DIPK1A: variants seen among roughly 807,000 people sequenced by gnomAD.
DIPK1A encodes the protein family with sequence similarity 69 member A.
DIPK1A carries 27 observed loss-of-function variants against 40.8 expected under a neutral mutation model. The ratio of observed to expected loss-of-function variants is 0.66; its 90% CI spans 0.49 to 0.91. DIPK1A has a LOEUF of 0.91. Ranked by LOEUF, DIPK1A falls within the 40% of genes least tolerant of loss-of-function variation. The pLI is 0.00. For synonymous variants in DIPK1A, 166 were observed against 171.3 expected (o/e 0.97, Z 0.24); for missense variants, 412 against 505.7 (o/e 0.81, Z 1.78).
chr1:92,873,739 T>C (rs1430553247), intron 2 of DIPK1A, among the ~76,000 whole-genome samples: 1 of 152,184 alleles, frequency 6.6e-6, no homozygotes, highest in Non-Finnish European at 1.5e-5. Context: ...TGAGATGAAG[T>C]CTTGCTCTGT....
intron 2 of DIPK1A, among the ~76,000 whole-genome samples, chr1:92,865,159 G>A (rs1647477617): frequency 1.3e-5 from 2 of 151,680 alleles, no homozygotes; most frequent in Admixed American, 1.3e-4. Flanking sequence ...GGCAGGAGTT[G>A]GAGATCAGCC....
downstream of DIPK1A, among the ~76,000 whole-genome samples, chr1:92,839,269 G>A (rs11587850): frequency 6.6e-6 from 1 of 152,176 alleles, no homozygotes; most frequent in African/African-American, 2.4e-5. Flanking sequence ...TGAGGCAGAA[G>A]AATTGCTTGA....
chr1:92,874,781 A>G (rs1648037568), intron 2 of DIPK1A, among the ~76,000 whole-genome samples: 1 of 152,162 alleles, frequency 6.6e-6, no homozygotes, highest in African/African-American at 2.4e-5. Context: ...TATGAGCTTC[A>G]TAGAGAGACA....
intron 1 of DIPK1A, among the ~76,000 whole-genome samples, chr1:92,928,161 G>A (rs7515257): frequency 0.35 from 53,193 of 152,050 alleles, 9,755 homozygotes; most frequent in African/African-American, 0.38. Flanking sequence ...TAGTGGATGT[G>A]AACTAGTATT....
At chr1:92,950,116 A>G (rs1651566624) in intron 1 of DIPK1A, among the ~76,000 whole-genome samples, 1 of 152,194 alleles carries the variant, frequency 6.6e-6, no homozygotes, top group Non-Finnish European at 1.5e-5. Context: ...AGTATTAAGG[A>G]GGGACTGCTG....
intron 4 of DIPK1A, chr1:92,833,205 G>A: frequency 1.5e-6 from 1 of 652,612 alleles, no homozygotes; most frequent in East Asian, 2.7e-5. Flanking sequence ...CTACTAGTCT[G>A]TGACATGGAA....
chr1:92,925,840 C>T (rs1650483688), intron 1 of DIPK1A, among the ~76,000 whole-genome samples: 1 of 152,102 alleles, frequency 6.6e-6, no homozygotes, highest in Non-Finnish European at 1.5e-5. Context: ...TTTTGGAAAG[C>T]TGCATTTTTC....
intron 2 of DIPK1A, among the ~76,000 whole-genome samples, chr1:92,865,059 A>AAC (rs1647471033): frequency 6.6e-6 from 1 of 150,718 alleles, no homozygotes; most frequent in Admixed American, 6.6e-5. Flanking sequence ...AAAAAAAAAA[A>AAC]AAAGATATAA....
chr1:92,833,889 T>A lies in DIPK1A; in HGVS notation c.475-855A>T. On this transcript the variant is annotated intron_variant, in intron 4 of 4. Transcript: ENST00000615519. ...ATCCCAGCACTTCGGGAAGATTGCT[T>A]GAGCCCAGGAGTTTGAGACCAGCCT... 7 of 534,232 alleles carry A rather than the reference T, an allele frequency of 1.3e-5. No homozygotes were observed. The South Asian group carries it at 1.4e-4, about 11-fold the overall frequency. 33.1% of individuals were successfully genotyped at this position (534,232 alleles called of 1,614,324 possible). A position where few individuals can be genotyped will look rare whatever the true frequency, so the allele number is the denominator to read the frequency against.
In DIPK1A at chr1:92,844,091, C is replaced by T. The variant is rs777637039; in HGVS notation, c.579G>A (p.Ser193=). 11 of 1,551,800 alleles carry T rather than the reference C, an allele frequency of 7.1e-6. No individual in the cohort carries two copies. The highest frequency in any genetic ancestry group is 1.7e-4 in the Middle Eastern group (1 of 5,992). Residue 193 remains serine (S), a synonymous_variant, in exon 5 of 5, where the codon TCG becomes TCA. Coordinates refer to ENST00000370310, the MANE Select transcript of DIPK1A (RefSeq NM_001006605.5). ...DGQVSLGEAK[S]AWALLQLNEF... is the part of the protein sequence containing the mutation. ...CATTCAGTTGAAGAAGTGCCCATGC[C>T]GACTTTGCTTCTCCCAAGGAAACCT...
chr1:92,837,715 CTTATA>C (rs1687183728), downstream of DIPK1A: 18 of 1,108,456 alleles, frequency 1.6e-5, no homozygotes, highest in Non-Finnish European at 2.3e-5. Context: ...AGGTAACATT[CTTATA>C]TAGGTGTGTT....
At chr1:92,869,459 C>T (rs1292051319) in intron 2 of DIPK1A, among the ~76,000 whole-genome samples, 1 of 152,044 alleles carries the variant, frequency 6.6e-6, no homozygotes, top group African/African-American at 2.4e-5. Context: ...ATGCCTGGTG[C>T]TGACTAAATT....
At position 92,876,353 on chromosome 1, in the gene DIPK1A, A is replaced by G. The variant is rs1428423696; in HGVS notation, c.132T>C (p.Tyr44=). ...ATTCTGTATAGGTAGAATACTGCAC[A>G]TATATAATCCAGCTTCCAACAAAAA... ...LVVFVGSWII[Y]VQYSTYTELC... Residue 44 remains tyrosine, a synonymous_variant, in exon 2 of 5, where the codon TAT becomes TAC. Transcript: ENST00000370310. 1 of 1,608,016 alleles carries G rather than the reference A, an allele frequency of 6.2e-7. No homozygotes were observed. The highest frequency in any genetic ancestry group is 8.5e-7 in the Non-Finnish European group (1 of 1,174,766).
intron 1 of DIPK1A, among the ~76,000 whole-genome samples, chr1:92,887,970 T>C (rs2774950): frequency 0.69 from 103,811 of 151,436 alleles, 36,081 homozygotes; most frequent in East Asian, 0.96. Context: ...TATTAAATAA[T>C]AATCTAGTAT....
intron 1 of DIPK1A, among the ~76,000 whole-genome samples, chr1:92,911,441 G>A (rs1055108058): frequency 2.0e-5 from 3 of 152,056 alleles, no homozygotes; most frequent in South Asian, 4.1e-4. Context: ...TATATGAGCC[G>A]CCCAATTTAT....
chr1:92,918,105 T>A (rs1292121269), intron 1 of DIPK1A, among the ~76,000 whole-genome samples: 1 of 152,176 alleles, frequency 6.6e-6, no homozygotes, highest in Non-Finnish European at 1.5e-5. Context: ...TTTTTGTTTA[T>A]ATTACAAGGC....
intron 1 of DIPK1A, among the ~76,000 whole-genome samples, chr1:92,960,595 A>T (rs982606058): frequency 6.6e-6 from 1 of 152,206 alleles, no homozygotes; most frequent in Non-Finnish European, 1.5e-5. Flanking sequence ...CTGGCAGCGG[A>T]ACAGAGGGTG....
At position 92,843,767 on chromosome 1, in the gene DIPK1A, T is replaced by G; in HGVS notation, c.903A>C (p.Gly301=). The G allele has an allele frequency of 6.4e-7, 1 of 1,551,890 alleles. No homozygotes were observed. Among genetic ancestry groups the G allele is most frequent in the Non-Finnish European group, 8.7e-7 (1 of 1,147,034 alleles). Residue 301 remains glycine (G), a synonymous_variant, in exon 5 of 5, where the codon GGA becomes GGC. Transcript: ENST00000370310. ...TTTTCAAATCATACTTATCATTATA[T>G]CCTAGGTTTTTGGCACTAGTATCGC... ...LMCDTSAKNL[G]YNDKYDLKMV... is the part of the protein sequence containing the mutation.
intron 2 of DIPK1A, among the ~76,000 whole-genome samples, chr1:92,852,208 A>C (rs1360368969): frequency 6.6e-6 from 1 of 152,210 alleles, no homozygotes; most frequent in Non-Finnish European, 1.5e-5. Flanking sequence ...AGATAAAAAA[A>C]ATTTTCTAGG....
Sources: gnomAD v4.1 joint callset for allele counts (sites outside exome capture counted in the v4.1 genomes callset) on GRCh38, gnomAD v4.1.1 for gene constraint, MANE v1.5 for transcripts, NCBI Gene and HGNC (gene_info 2026-07-23, HGNC 2026-07-21) for gene names.